The following DPP4 variants were observed in gnomAD, a reference collection of about 807,000 sequenced individuals.
DPP4 encodes the protein dipeptidyl peptidase 4.
DPP4 carries 93 observed loss-of-function variants against 122.4 expected under a neutral mutation model. The observed-to-expected ratio is 0.76, with a 90% CI of 0.64 to 0.90. The LOEUF is 0.90. Among genes scored for constraint, DPP4 ranks in the 40% least tolerant of loss-of-function variants. The probability of loss-of-function intolerance (pLI) is 0.00; values close to 1 mark genes in which losing one functional copy is unlikely to be tolerated. For synonymous variants in DPP4, 321 were observed against 302.9 expected, an observed-to-expected ratio of 1.06 and a Z score of -0.62; for missense variants, 914 against 907.3, an observed-to-expected ratio of 1.01 and a Z score of -0.09.
chr2:162,003,174 T>C (rs1337722234), intron 23 of DPP4, among the ~76,000 whole-genome samples: 3 of 151,886 alleles, frequency 2.0e-5, no homozygotes, highest in Non-Finnish European at 4.4e-5. Flanking sequence ...AGTGAAAGAG[T>C]GACTTTGTGC....
chr2:162,006,954 C>G (rs1701297774), intron 22 of DPP4, among the ~76,000 whole-genome samples: 1 of 151,968 alleles, frequency 6.6e-6, no homozygotes, highest in Non-Finnish European at 1.5e-5. Context: ...CATTCTAACA[C>G]TTTTTGAATG....
chr2:162,011,701 T>G, intron 20 of DPP4, 92 bp downstream of exon 20: 1 of 1,324,642 alleles, frequency 7.5e-7, no homozygotes, highest in Non-Finnish European at 1.0e-6. Context: ...CCCAGAACAC[T>G]TTAAATTATT....
At position 162,043,505 on chromosome 2, in the gene DPP4, C is replaced by T. The variant is rs527511530; in HGVS notation, c.366+2027G>A. ...AATACACGGGTAAACTCCAGTGACACAACAAATACAAATCTCCAACCGTGG... is the reference window on the plus strand; with the variant it reads ...AATACACGGGTAAACTCCAGTGACATAACAAATACAAATCTCCAACCGTGG... On this transcript the variant is annotated intron_variant, in intron 5 of 25. Transcript: ENST00000360534. Among the ~76,000 whole-genome samples, 54 of 152,304 alleles carry T rather than the reference C, an allele frequency of 3.5e-4. 1 individual carries two copies. In the South Asian group the frequency reaches 8.7e-3, roughly 25 times the overall value.
chr2:162,068,441 T>G (rs1398903049), intron 2 of DPP4, among the ~76,000 whole-genome samples: 1 of 152,210 alleles, frequency 6.6e-6, no homozygotes, highest in African/African-American at 2.4e-5. Context: ...CTTAACTTCT[T>G]TGATAGTCAT....
At chr2:162,007,975 C>T (rs950708301) in intron 22 of DPP4, among the ~76,000 whole-genome samples, 6 of 151,934 alleles carry the variant, frequency 3.9e-5, no homozygotes, top group African/African-American at 2.4e-5. Context: ...CTTCTGAATC[C>T]CCCCTCCTCC....
At chr2:161,996,758 T>G (rs1177328873) in intron 23 of DPP4, among the ~76,000 whole-genome samples, 1 of 152,226 alleles carries the variant, frequency 6.6e-6, no homozygotes, top group Non-Finnish European at 1.5e-5. Context: ...TAGCTATTGT[T>G]AATCTCTTAT....
At chr2:161,998,888 A>G (rs746287734) in intron 23 of DPP4, among the ~76,000 whole-genome samples, 2 of 152,212 alleles carry the variant, frequency 1.3e-5, no homozygotes, top group South Asian at 4.1e-4. Flanking sequence ...TACATTAACA[A>G]TATTACACTA....
chr2:162,018,234 C>T (rs943781754), intron 16 of DPP4, among the ~76,000 whole-genome samples: 1 of 152,170 alleles, frequency 6.6e-6, no homozygotes, highest in Non-Finnish European at 1.5e-5. Flanking sequence ...AGGGATGGCT[C>T]GGGCGGCAGA....
At chr2:162,032,627 C>T (rs374986432) in intron 10 of DPP4, among the ~76,000 whole-genome samples, 4 of 151,626 alleles carry the variant, frequency 2.6e-5, no homozygotes, top group Non-Finnish European at 2.9e-5. Context: ...TGCAGTGAGC[C>T]GAGATGGCAT....
Position 162,013,185 on chromosome 2 carries a change from C to T in DPP4, c.1638-1198G>A, listed in dbSNP as rs988262336. On this transcript the variant is annotated intron_variant, in intron 19 of 25. Transcript: ENST00000360534. ...CTAAAAGAGAGGAAAAGGAAAATAA[C>T]TGAACAGAAATATGTATTAAATTTA... 4.0e-5 allele frequency among the ~76,000 whole-genome samples: 6 copies of T among 149,946 alleles called. No individual in the cohort carries two copies. In the South Asian group the frequency reaches 1.3e-3, roughly 32 times the overall value.
chr2:162,026,172 CA>C (rs1445987709), intron 10 of DPP4, among the ~76,000 whole-genome samples: 1 of 152,162 alleles, frequency 6.6e-6, no homozygotes, highest in Admixed American at 6.5e-5. Context: ...ACACAACAGA[CA>C]TTTACTGGGC....
chr2:162,048,432 G>A (rs1273525669), intron 2 of DPP4, among the ~76,000 whole-genome samples: 3 of 151,768 alleles, frequency 2.0e-5, no homozygotes, highest in Non-Finnish European at 2.9e-5. Flanking sequence ...TGATCCCTTC[G>A]CCAAAAGTTT....
chr2:162,057,200 A>G (rs1684608998), intron 2 of DPP4, among the ~76,000 whole-genome samples: 1 of 152,140 alleles, frequency 6.6e-6, no homozygotes, highest in African/African-American at 2.4e-5. Flanking sequence ...CTATTGCAAT[A>G]TCACTGTCAC....
chr2:162,025,032 G>T (rs1683273712), intron 10 of DPP4, 93 bp from the exon 11 acceptor site: 1 of 1,374,436 alleles, frequency 7.3e-7, no homozygotes, highest in Non-Finnish European at 9.8e-7. Flanking sequence ...TCAGTGAAAA[G>T]AAATCAATCT....
At chr2:162,028,456 C>T (rs1158481241) in intron 10 of DPP4, among the ~76,000 whole-genome samples, 1 of 152,192 alleles carries the variant, frequency 6.6e-6, no homozygotes, top group Non-Finnish European at 1.5e-5. Flanking sequence ...GCAGGATTAT[C>T]ATCTATGCTT....
chr2:162,038,494 C>T, intron 7 of DPP4, 72 bp from the exon 8 acceptor site: 1 of 1,457,012 alleles, frequency 6.9e-7, no homozygotes, highest in Non-Finnish European at 9.3e-7. Flanking sequence ...TGTAGAAACA[C>T]TTATCTATTG....
chr2:162,069,618 C>T (rs1207033458), intron 2 of DPP4, among the ~76,000 whole-genome samples: 1 of 152,190 alleles, frequency 6.6e-6, no homozygotes, highest in Non-Finnish European at 1.5e-5. Flanking sequence ...CAAAGGTTGA[C>T]AATAGTTAAC....
At chr2:162,050,817 C>T (rs1009382796) in intron 2 of DPP4, among the ~76,000 whole-genome samples, 14 of 152,220 alleles carry the variant, frequency 9.2e-5, no homozygotes, top group African/African-American at 3.4e-4. Context: ...TGCCAAGTTA[C>T]AACCTATTTT....
At chr2:162,058,686 T>C (rs1684659963) in intron 2 of DPP4, among the ~76,000 whole-genome samples, 1 of 152,254 alleles carries the variant, frequency 6.6e-6, no homozygotes, top group East Asian at 1.9e-4. Context: ...GGTTGGTCAA[T>C]AGTTTAGGCT....
Sources: gnomAD v4.1 joint callset for allele counts (sites outside exome capture counted in the v4.1 genomes callset) on GRCh38, gnomAD v4.1.1 for gene constraint, MANE v1.5 for transcripts, NCBI Gene and HGNC (gene_info 2026-07-23, HGNC 2026-07-21) for gene names.